The following EPB41L2 variants were observed in gnomAD, a reference collection of about 807,000 sequenced individuals.
The protein encoded by EPB41L2 is erythrocyte membrane protein band 4.1 like 2.
A neutral mutation model predicts 113.0 loss-of-function variants in EPB41L2; 43 were observed. The observed-to-expected ratio is 0.38, with a 90% CI of 0.30 to 0.49. The LOEUF (loss-of-function observed/expected upper bound fraction) is 0.49, where lower values mean the gene tolerates loss of function less well. Among genes scored for constraint, EPB41L2 ranks in the 20% least tolerant of loss-of-function variants. The pLI is 0.95. For synonymous variants in EPB41L2, 442 were observed against 436.7 expected (o/e 1.01, Z -0.15); for missense variants, 1,147 against 1,223.4 (o/e 0.94, Z 0.93).
chr6:130,864,953 A>G (rs1783251443), intron 17 of EPB41L2, among the ~76,000 whole-genome samples: 1 of 152,192 alleles, frequency 6.6e-6, no homozygotes, highest in Non-Finnish European at 1.5e-5. Context: ...AAGCTTCTTA[A>G]GACAATTCTA....
At chr6:131,028,933 G>C (rs1791461182) in intron 1 of EPB41L2, among the ~76,000 whole-genome samples, 1 of 152,048 alleles carries the variant, frequency 6.6e-6, no homozygotes, top group Non-Finnish European at 1.5e-5. Flanking sequence ...TAAAACCCTT[G>C]TTGCATTTTT....
chr6:130,936,780 A>G (rs1376959480), intron 3 of EPB41L2, among the ~76,000 whole-genome samples: 3 of 152,200 alleles, frequency 2.0e-5, no homozygotes, highest in African/African-American at 7.2e-5. Flanking sequence ...TCATAACCAA[A>G]TTCAGCTATC....
In EPB41L2 at chr6:130,987,002, T is replaced by C. The variant is rs9492778; in HGVS notation, c.-14-30503A>G. Reference sequence around the variant, plus strand: ...GGATTCTTGTATGTGGCCTTTTGTGTCTGGTTTCTTTCACTTATGTTTTCA... The same window carrying C: ...GGATTCTTGTATGTGGCCTTTTGTGCCTGGTTTCTTTCACTTATGTTTTCA... On this transcript the variant is annotated intron_variant, in intron 1 of 19. Transcript: ENST00000337057. 7.7e-3 allele frequency among the ~76,000 whole-genome samples: 1,179 copies of C among 152,296 alleles called. 11 individuals are homozygous for C. Among genetic ancestry groups the C allele is most frequent in the African/African-American group, 0.025 (1,035 of 41,568 alleles).
At chr6:130,867,284 CTG>C (rs1784081720) in intron 16 of EPB41L2, among the ~76,000 whole-genome samples, 173 bp downstream of exon 16, 1 of 152,166 alleles carries the variant, frequency 6.6e-6, no homozygotes, top group Non-Finnish European at 1.5e-5. Context: ...TTGCAGCTCT[CTG>C]TCTCAATCTA....
At chr6:130,842,893 A>G (rs954499374) in intron 19 of EPB41L2, among the ~76,000 whole-genome samples, 1 of 152,208 alleles carries the variant, frequency 6.6e-6, no homozygotes, top group Non-Finnish European at 1.5e-5. Flanking sequence ...GGTAATGAAT[A>G]TTATAAATGA....
intron 1 of EPB41L2, among the ~76,000 whole-genome samples, chr6:131,033,267 AAAG>A (rs1792601811): frequency 6.6e-6 from 1 of 152,198 alleles, no homozygotes; most frequent in South Asian, 2.1e-4. Flanking sequence ...AGGGAGAAGG[AAAG>A]AAGGAAGGAA....
chr6:130,900,802 T>C (rs1796072262), intron 7 of EPB41L2, among the ~76,000 whole-genome samples, 160 bp downstream of exon 7: 1 of 152,178 alleles, frequency 6.6e-6, no homozygotes, highest in Admixed American at 6.5e-5. Flanking sequence ...AATGAAAGGA[T>C]ACCTCAAGGG....
At chr6:130,977,954 C>T (rs1317210694) in intron 1 of EPB41L2, among the ~76,000 whole-genome samples, 1 of 152,152 alleles carries the variant, frequency 6.6e-6, no homozygotes, top group Non-Finnish European at 1.5e-5. Context: ...TGGAAGGTAT[C>T]ATTATGGTTT....
intron 4 of EPB41L2, among the ~76,000 whole-genome samples, chr6:130,921,495 G>T (rs1335287442): frequency 6.6e-6 from 1 of 152,088 alleles, no homozygotes; most frequent in Non-Finnish European, 1.5e-5. Flanking sequence ...ATTAAGAGAG[G>T]CTGGAACTGC....
intron 19 of EPB41L2, among the ~76,000 whole-genome samples, chr6:130,841,825 A>G (rs1775609752): frequency 2.6e-5 from 4 of 152,214 alleles, no homozygotes; most frequent in Admixed American, 2.6e-4. Flanking sequence ...AAACCAACAG[A>G]TAGAACTAAG....
chr6:131,015,607 T>C (rs1219312641), intron 1 of EPB41L2, among the ~76,000 whole-genome samples: 1 of 152,212 alleles, frequency 6.6e-6, no homozygotes, highest in East Asian at 1.9e-4. Flanking sequence ...ATTTTTAAAT[T>C]CACCCTATTA....
chr6:131,020,956 A>AT (rs373751654), intron 1 of EPB41L2, among the ~76,000 whole-genome samples: 1,544 of 147,796 alleles, frequency 0.01, 12 homozygotes, highest in Middle Eastern at 0.032. Flanking sequence ...CACCAGGCTA[A>AT]TTTTTTTTTT....
At chr6:130,895,294 A>T (rs1011402377) in intron 8 of EPB41L2, among the ~76,000 whole-genome samples, 175 bp from the exon 9 acceptor site, 1 of 152,200 alleles carries the variant, frequency 6.6e-6, no homozygotes, top group African/African-American at 2.4e-5. Flanking sequence ...CATACATGTT[A>T]AATTTATTCA....
chr6:130,914,164 G>T lies in EPB41L2; in HGVS notation c.811-5301C>A, dbSNP rs1800245505. The stretch of plus-strand genomic sequence containing the variant: ...GGGATCACAACATCTACCTCATAGG[G>T]TAGTTCTTTTCAAACAATATTCAAG... On this transcript the variant is annotated intron_variant, in intron 4 of 19. Coordinates refer to ENST00000337057, the MANE Select transcript of EPB41L2 (RefSeq NM_001431.4). Among the ~76,000 whole-genome samples the T allele has an allele frequency of 3.9e-5, 6 of 152,198 alleles. No individual in the cohort carries two copies. In the South Asian group the frequency reaches 1.2e-3, roughly 32 times the overall value.
chr6:130,849,643 C>A (rs1303062990), intron 19 of EPB41L2, among the ~76,000 whole-genome samples: 2 of 152,120 alleles, frequency 1.3e-5, no homozygotes, highest in Non-Finnish European at 2.9e-5. Context: ...ACAAAGGACA[C>A]AAACTGGCAA....
intron 6 of EPB41L2, 112 bp from the exon 7 acceptor site, chr6:130,901,292 A>T: frequency 1.2e-6 from 1 of 836,182 alleles, no homozygotes; most frequent in African/African-American, 1.7e-5. Flanking sequence ...CAATATAGGC[A>T]CTCTTCATAT....
Position 130,870,051 on chromosome 6 carries a change from C to G in EPB41L2, c.2119G>C (p.Glu707Gln). Residue 707 changes from glutamate (E) to glutamine (Q), a missense_variant, in exon 15 of 20, where the codon GAA (glutamate) becomes CAA (glutamine). Transcript: ENST00000337057. ...GATATCTCTTTACCATTCATTTCTT[C>G]TGTGATTACTCTTTCGTCTTTCCCA... Reference protein sequence around the residue: ...EVGKDERVITEEMNGKEISPG... With the variant: ...EVGKDERVITQEMNGKEISPG... The G allele has an allele frequency of 6.2e-7, 1 of 1,614,042 alleles. No homozygotes were observed. Among genetic ancestry groups the G allele is most frequent in the Middle Eastern group, 1.6e-4 (1 of 6,062 alleles).
At chr6:130,990,631 C>T (rs1584323828) in intron 1 of EPB41L2, among the ~76,000 whole-genome samples, 1 of 152,036 alleles carries the variant, frequency 6.6e-6, no homozygotes, top group African/African-American at 2.4e-5. Flanking sequence ...ACAGAATTAA[C>T]TTTGATTGTA....
chr6:131,048,496 T>C (rs889087945), intron 1 of EPB41L2, among the ~76,000 whole-genome samples: 1 of 152,144 alleles, frequency 6.6e-6, no homozygotes, highest in Non-Finnish European at 1.5e-5. Context: ...TTCCACAAAA[T>C]CCGTAATAAA....
Sources: gnomAD v4.1 joint callset for allele counts (sites outside exome capture counted in the v4.1 genomes callset) on GRCh38, gnomAD v4.1.1 for gene constraint, MANE v1.5 for transcripts, NCBI Gene and HGNC (gene_info 2026-07-23, HGNC 2026-07-21) for gene names.